TSNARE1: variants seen among roughly 807,000 people sequenced by gnomAD.
TSNARE1 encodes t-SNARE domain containing 1, also known as t-SNARE domain-containing protein 1.
In TSNARE1, 49 loss-of-function variants were observed where a neutral mutation model predicts 62.0. The observed-to-expected ratio is 0.79, with a 90% CI of 0.63 to 1.00. TSNARE1 has a LOEUF of 1.00. Among genes scored for constraint, TSNARE1 ranks in the 50% least tolerant of loss-of-function variants. The pLI is 0.00. For synonymous variants in TSNARE1, 328 were observed against 294.4 expected, an observed-to-expected ratio of 1.11 and a Z score of -1.17; for missense variants, 755 against 700.1, an observed-to-expected ratio of 1.08 and a Z score of -0.88.
intron 1 of TSNARE1, among the ~76,000 whole-genome samples, chr8:142,402,541 T>A (rs1587180555): frequency 6.6e-6 from 1 of 152,140 alleles, no homozygotes; most frequent in Non-Finnish European, 1.5e-5. Context: ...CACCTGAAAG[T>A]CCCTGGTGGG....
chr8:142,241,381 G>T (rs967593278), intron 12 of TSNARE1, among the ~76,000 whole-genome samples: 1 of 152,148 alleles, frequency 6.6e-6, no homozygotes, highest in Non-Finnish European at 1.5e-5. Context: ...TAAATGGAAA[G>T]ATATACTGTG....
At chr8:142,320,923 C>T (rs1223615368) in intron 6 of TSNARE1, among the ~76,000 whole-genome samples, 3 of 152,324 alleles carry the variant, frequency 2.0e-5, no homozygotes, top group South Asian at 2.1e-4. Flanking sequence ...GAAGGCAGCC[C>T]GTTTCCTGTA....
intron 13 of TSNARE1, among the ~76,000 whole-genome samples, chr8:142,228,489 A>G (rs976712877): frequency 2.6e-5 from 4 of 152,064 alleles, no homozygotes; most frequent in Non-Finnish European, 5.9e-5. Context: ...AGCTCTCCTC[A>G]CTGACGCCTC....
intron 13 of TSNARE1, among the ~76,000 whole-genome samples, 190 bp downstream of exon 13, chr8:142,229,283 C>T (rs762732839): frequency 8.4e-5 from 12 of 142,384 alleles, no homozygotes; most frequent in African/African-American, 1.3e-4. Context: ...GGATGGATGG[C>T]AGATGGATAG....
rs969541875 is a variant in TSNARE1 at position 142,282,696 on chromosome 8, C to T, written c.1363+1717G>A. On this transcript the variant is annotated intron_variant, in intron 11 of 13. Transcript: ENST00000524325. Reference sequence around the variant, plus strand: ...GCCACTGTCTGTCAATGAGCAGAGGCGGGGCCAGTGTCTGTCAATGAGCGG... The same window carrying T: ...GCCACTGTCTGTCAATGAGCAGAGGTGGGGCCAGTGTCTGTCAATGAGCGG... Among the ~76,000 whole-genome samples the T allele has an allele frequency of 2.3e-4, 30 of 128,566 alleles. 1 individual carries two copies. Among genetic ancestry groups the T allele is most frequent in the East Asian group, 1.4e-3 (6 of 4,270 alleles). 84.3% of individuals were successfully genotyped at this position (128,566 alleles called of 152,430 possible). A position where few individuals can be genotyped will look rare whatever the true frequency, so the allele number is the denominator to read the frequency against.
intron 12 of TSNARE1, among the ~76,000 whole-genome samples, chr8:142,241,018 T>C (rs1222869162): frequency 1.3e-5 from 2 of 152,144 alleles, no homozygotes; most frequent in African/African-American, 2.4e-5. Flanking sequence ...TCCTCGCCAG[T>C]GTAATTAGGC....
intron 1 of TSNARE1, among the ~76,000 whole-genome samples, chr8:142,362,189 A>G (rs1239961923): frequency 6.6e-6 from 1 of 152,206 alleles, no homozygotes; most frequent in Non-Finnish European, 1.5e-5. Flanking sequence ...GGGCAGTCCC[A>G]GGAAAAGTGA....
intron 12 of TSNARE1, chr8:142,273,924 G>T: frequency 2.0e-6 from 2 of 985,148 alleles, no homozygotes; most frequent in Non-Finnish European, 2.4e-6. Context: ...TCCTGGGCTC[G>T]TCTGGCTGCT....
At chr8:142,271,773 G>A in intron 12 of TSNARE1, 3 of 984,816 alleles carry the variant, frequency 3.0e-6, no homozygotes, top group Non-Finnish European at 4.0e-6. Context: ...CAGGGAGAGT[G>A]CCCATGTGAG....
At chr8:142,300,763 G>GGACGTTCTGGGTCTGAGGC in intron 9 of TSNARE1, 119 bp from the exon 10 acceptor site, 1 of 1,212,110 alleles carries the variant, frequency 8.3e-7, no homozygotes, top group South Asian at 1.6e-5. Flanking sequence ...CTCTCTGAGG[G>GGACGTTCTGGGTCTGAGGC]GACGATCTGG....
chr8:142,244,140 C>T (rs1428621778), intron 12 of TSNARE1, among the ~76,000 whole-genome samples: 1 of 152,166 alleles, frequency 6.6e-6, no homozygotes, highest in African/African-American at 2.4e-5. Flanking sequence ...GAGCCGAGAT[C>T]GCGCCACTGC....
At chr8:142,353,537 G>A (rs57716358) in intron 2 of TSNARE1, among the ~76,000 whole-genome samples, 83 of 152,296 alleles carry the variant, frequency 5.4e-4, no homozygotes, top group African/African-American at 1.8e-3. Flanking sequence ...ATCTGCACCC[G>A]TCCTCCCTGC....
chr8:142,297,811 T>G (rs1168974028), intron 10 of TSNARE1, among the ~76,000 whole-genome samples: 3 of 152,174 alleles, frequency 2.0e-5, no homozygotes, highest in African/African-American at 7.2e-5. Flanking sequence ...AATGACAATT[T>G]GCGTTTTGTT....
chr8:142,244,681 G>A (rs1817805624), intron 12 of TSNARE1, among the ~76,000 whole-genome samples: 1 of 152,252 alleles, frequency 6.6e-6, no homozygotes, highest in South Asian at 2.1e-4. Context: ...AATCCGGGAG[G>A]TGGAGGCCAG....
chr8:142,354,596 A>G (rs1300963357), intron 2 of TSNARE1, 41 bp downstream of exon 2: 2 of 1,422,192 alleles, frequency 1.4e-6, no homozygotes, highest in African/African-American at 1.4e-5. Context: ...ACCCACTACC[A>G]TCCCCTCCTC....
intron 1 of TSNARE1, among the ~76,000 whole-genome samples, chr8:142,354,983 A>G (rs1267643796): frequency 6.6e-6 from 1 of 150,918 alleles, no homozygotes; most frequent in Non-Finnish European, 1.5e-5. Flanking sequence ...TCCCTGCAGG[A>G]ACACAGAAAC....
chr8:142,358,104 A>C (rs7838268), intron 1 of TSNARE1, among the ~76,000 whole-genome samples: 1 of 67,308 alleles, frequency 1.5e-5, no homozygotes, highest in African/African-American at 9.5e-5. Flanking sequence ...GACAAGGGGA[A>C]CAGCCAGCGG....
intron 4 of TSNARE1, among the ~76,000 whole-genome samples, chr8:142,338,473 C>A (rs1832085275): frequency 6.6e-6 from 1 of 152,202 alleles, no homozygotes; most frequent in Non-Finnish European, 1.5e-5. Flanking sequence ...ACAAGCCTGC[C>A]TGGCTGCCTG....
chr8:142,333,592 C>T lies in TSNARE1; in HGVS notation c.746-1761G>A, dbSNP rs78932790. ...CCCTGGCTGGATATCTGGGTTTCCA[C>T]CAGGACAAGGCCCAAGCCCAGCTCT... On this transcript the variant is annotated intron_variant, in intron 4 of 13. Transcript: ENST00000524325. Among the ~76,000 whole-genome samples the T allele has an allele frequency of 1.0e-2, 1,521 of 152,266 alleles. 13 individuals carry two copies. Among genetic ancestry groups the T allele is most frequent in the East Asian group, 0.021 (107 of 5,154 alleles).
Sources: gnomAD v4.1 joint callset for allele counts (sites outside exome capture counted in the v4.1 genomes callset) on GRCh38, gnomAD v4.1.1 for gene constraint, MANE v1.5 for transcripts, NCBI Gene and HGNC (gene_info 2026-07-23, HGNC 2026-07-21) for gene names.